The following ZBTB20 variants were observed in gnomAD, a reference collection of about 807,000 sequenced individuals.
ZBTB20 encodes the protein zinc finger and BTB domain containing 20.
In ZBTB20, 9 loss-of-function variants were observed where a neutral mutation model predicts 56.9. The observed-to-expected ratio is 0.16, with a 90% CI of 0.10 to 0.28. ZBTB20 has a LOEUF of 0.28. ZBTB20 is among the 10% of genes least tolerant of loss of function. The pLI is 1.00. For synonymous variants in ZBTB20, 417 were observed against 420.7 expected (o/e 0.99, Z 0.11); for missense variants, 655 against 1,003.0 (o/e 0.65, Z 4.69).
intron 8 of ZBTB20, among the ~76,000 whole-genome samples, chr3:114,384,257 G>C (rs1005845028): frequency 7.9e-5 from 12 of 151,714 alleles, no homozygotes; most frequent in African/African-American, 1.2e-4. Context: ...CAATGAAAAA[G>C]TTAGACAAGC....
intron 3 of ZBTB20, among the ~76,000 whole-genome samples, chr3:114,935,448 T>C (rs1369426543): frequency 6.6e-6 from 1 of 152,310 alleles, no homozygotes; most frequent in Non-Finnish European, 1.5e-5. Context: ...ATATGTTACA[T>C]TATGAAGTGT....
At chr3:114,623,867 CG>C (rs891875788) in intron 6 of ZBTB20, among the ~76,000 whole-genome samples, 1 of 152,016 alleles carries the variant, frequency 6.6e-6, no homozygotes, top group African/African-American at 2.4e-5. Context: ...TGACATCCAT[CG>C]GTGGCAGTAT....
At chr3:114,971,476 G>T (rs756571643) in intron 3 of ZBTB20, among the ~76,000 whole-genome samples, 4 of 152,166 alleles carry the variant, frequency 2.6e-5, no homozygotes, top group Non-Finnish European at 4.4e-5. Context: ...ATAGATAAAA[G>T]TGCGGATTGT....
intron 4 of ZBTB20, among the ~76,000 whole-genome samples, chr3:114,866,626 G>T (rs947668776): frequency 6.6e-6 from 1 of 152,174 alleles, no homozygotes; most frequent in Non-Finnish European, 1.5e-5. Context: ...TCTCCAAACA[G>T]TTGGAGGCTG....
intron 6 of ZBTB20, among the ~76,000 whole-genome samples, chr3:114,535,587 T>C (rs1334988045): frequency 6.6e-6 from 1 of 152,188 alleles, no homozygotes; most frequent in Non-Finnish European, 1.5e-5. Context: ...TACCATTCCT[T>C]CTGAAACTAT....
At position 114,324,891 on chromosome 3, in the gene ZBTB20, C is replaced by T. The variant is rs183945018; in HGVS notation, c.*14114G>A. On this transcript the variant is annotated 3_prime_UTR_variant, in exon 12 of 12. Coordinates refer to ENST00000675478, the MANE Select transcript of ZBTB20 (RefSeq NM_001348800.3). ...CTCCAAAGGTAAGTCTGCTTGTCTG[C>T]TCATACCCACACATGCATGCTGTAA... is the stretch of plus-strand genomic sequence containing the variant. 2 of 152,236 alleles carry T rather than the reference C, an allele frequency of 1.3e-5. No individual in the cohort carries two copies. Among genetic ancestry groups the T allele is most frequent in the East Asian group, 3.9e-4 (2 of 5,172 alleles). The allele number at this position is 152,236 out of a possible 1,614,324, so 9.4% of individuals were successfully genotyped here. A position where few individuals can be genotyped will look rare whatever the true frequency, so the allele number is the denominator to read the frequency against.
intron 1 of ZBTB20, among the ~76,000 whole-genome samples, chr3:115,084,052 T>G (rs561198586): frequency 9.3e-4 from 141 of 151,808 alleles, no homozygotes; most frequent in Middle Eastern, 3.4e-3. Context: ...GTGTTAAAAG[T>G]TTTTTTAATA....
intron 5 of ZBTB20, among the ~76,000 whole-genome samples, chr3:114,707,722 T>C (rs2063800919): frequency 6.6e-6 from 1 of 152,172 alleles, no homozygotes; most frequent in Admixed American, 6.6e-5. Context: ...CTTATCCCTA[T>C]TTGCCTGGGC....
At chr3:114,838,526 A>G (rs940798582) in intron 4 of ZBTB20, among the ~76,000 whole-genome samples, 1 of 151,808 alleles carries the variant, frequency 6.6e-6, no homozygotes, top group South Asian at 2.1e-4. Flanking sequence ...GAGCCCTGGA[A>G]TTGAAGATCC....
chr3:114,638,801 T>C (rs970161798), intron 6 of ZBTB20, among the ~76,000 whole-genome samples: 1 of 152,108 alleles, frequency 6.6e-6, no homozygotes, highest in Non-Finnish European at 1.5e-5. Flanking sequence ...AAGCAAATTT[T>C]TAAATATTTT....
chr3:114,579,514 TAGAAAA>T (rs2054427669), intron 6 of ZBTB20, among the ~76,000 whole-genome samples: 1 of 150,264 alleles, frequency 6.7e-6, no homozygotes, highest in Non-Finnish European at 1.5e-5. Flanking sequence ...TTCAAGAATC[TAGAAAA>T]AGAAAAATGG....
chr3:114,424,234 A>G (rs1223066447), intron 7 of ZBTB20, among the ~76,000 whole-genome samples: 1 of 152,224 alleles, frequency 6.6e-6, no homozygotes, highest in East Asian at 1.9e-4. Context: ...AAAGATGCAC[A>G]CAGACACAAG....
intron 6 of ZBTB20, among the ~76,000 whole-genome samples, chr3:114,607,395 T>A (rs936853984): frequency 1.3e-5 from 2 of 150,906 alleles, no homozygotes; most frequent in African/African-American, 4.9e-5. Flanking sequence ...CTCCGCCTCC[T>A]GGGTTCAAGC....
At chr3:114,958,009 C>T (rs1213838676) in intron 3 of ZBTB20, among the ~76,000 whole-genome samples, 1 of 152,148 alleles carries the variant, frequency 6.6e-6, no homozygotes, top group East Asian at 1.9e-4. Context: ...GAATTCCATG[C>T]ATGTCACTCC....
chr3:114,765,810 A>G (rs2068747045), intron 5 of ZBTB20, among the ~76,000 whole-genome samples: 1 of 152,190 alleles, frequency 6.6e-6, no homozygotes, highest in African/African-American at 2.4e-5. Context: ...ACAAATATCG[A>G]AACAATAAAT....
At chr3:114,766,134 C>G (rs913387270) in intron 5 of ZBTB20, among the ~76,000 whole-genome samples, 1 of 151,874 alleles carries the variant, frequency 6.6e-6, no homozygotes, top group Non-Finnish European at 1.5e-5. Context: ...AGGCATTCAT[C>G]CAGATGAGAA....
chr3:114,526,568 A>G (rs1025746025), intron 6 of ZBTB20, among the ~76,000 whole-genome samples: 4 of 152,172 alleles, frequency 2.6e-5, no homozygotes, highest in African/African-American at 9.7e-5. Flanking sequence ...CCACTCATAA[A>G]TCCCTGGAAA....
chr3:114,416,799 G>A (rs1458921406), intron 7 of ZBTB20, among the ~76,000 whole-genome samples: 1 of 152,036 alleles, frequency 6.6e-6, no homozygotes, highest in African/African-American at 2.4e-5. Flanking sequence ...CCAAGCCCAG[G>A]AATGAATGTG....
intron 6 of ZBTB20, among the ~76,000 whole-genome samples, chr3:114,533,048 A>G (rs2048046861): frequency 6.6e-6 from 1 of 152,186 alleles, no homozygotes; most frequent in Non-Finnish European, 1.5e-5. Context: ...CCAGCTTAAA[A>G]AGGCTGAAAT....
Sources: gnomAD v4.1 joint callset for allele counts (sites outside exome capture counted in the v4.1 genomes callset) on GRCh38, gnomAD v4.1.1 for gene constraint, MANE v1.5 for transcripts, NCBI Gene and HGNC (gene_info 2026-07-23, HGNC 2026-07-21) for gene names.